PLEKHA5: variants seen among roughly 807,000 people sequenced by gnomAD.
PLEKHA5 encodes pleckstrin homology domain containing A5, also known as pleckstrin homology domain-containing family A member 5.
In PLEKHA5, 55 loss-of-function variants were observed where a neutral mutation model predicts 181.9. That is an observed-to-expected ratio of 0.30 (90% confidence interval 0.24 to 0.38). The LOEUF (loss-of-function observed/expected upper bound fraction) is 0.38, where lower values mean the gene tolerates loss of function less well. Ranked by LOEUF, PLEKHA5 falls within the 10% of genes least tolerant of loss-of-function variation. The pLI, the probability that PLEKHA5 is intolerant of heterozygous loss-of-function variation, is 1.00. For synonymous variants in PLEKHA5, 535 were observed against 529.4 expected (o/e 1.01, Z -0.15); for missense variants, 1,432 against 1,549.5 (o/e 0.92, Z 1.27).
intron 20 of PLEKHA5, among the ~76,000 whole-genome samples, chr12:19,327,320 A>G (rs1272081): frequency 7.1e-6 from 1 of 141,452 alleles, no homozygotes; most frequent in African/African-American, 2.6e-5. Context: ...TTGTGATTTT[A>G]ATTTGTATTT....
Position 19,334,827 on chromosome 12 carries a change from AAAATATATATAT to A in PLEKHA5, c.2449-1686_2449-1675del, listed in dbSNP as rs1236402113. On this transcript the variant is annotated intron_variant, in intron 20 of 31. Coordinates refer to ENST00000429027, the MANE Select transcript of PLEKHA5 (RefSeq NM_001256470.2). ...CAAAATCCTGTCTTCACAAAAAAAA[AAAATATATATAT>A]ATATATATATATATATATATATATA... Among the ~76,000 whole-genome samples the A allele has an allele frequency of 2.2e-3, 36 of 16,578 alleles. 3 individuals carry two copies. The highest frequency in any genetic ancestry group is 4.6e-3 in the African/African-American group (35 of 7,562). The allele number at this position is 16,578 out of a possible 152,430, so 10.9% of individuals were successfully genotyped here.
At chr12:19,272,111 C>T (rs1000026937) in intron 10 of PLEKHA5, among the ~76,000 whole-genome samples, 1 of 152,090 alleles carries the variant, frequency 6.6e-6, no homozygotes, top group Admixed American at 6.6e-5. Flanking sequence ...AAGTATTTCA[C>T]CTGTTCACGA....
intron 15 of PLEKHA5, among the ~76,000 whole-genome samples, chr12:19,302,673 AGATGTGAGCCACCACC>A (rs2081876686): frequency 1.3e-5 from 2 of 152,044 alleles, no homozygotes; most frequent in African/African-American, 4.8e-5. Flanking sequence ...CTGCCGTTAC[AGATGTGAGCCACCACC>A]CCCAGCCTAC....
chr12:19,289,475 A>C (rs2077928338), intron 13 of PLEKHA5, among the ~76,000 whole-genome samples: 1 of 151,170 alleles, frequency 6.6e-6, no homozygotes, highest in Admixed American at 6.6e-5. Flanking sequence ...TTTAGCCTGG[A>C]ATTTTTAAGA....
chr12:19,318,309 A>G (rs1046956362), intron 16 of PLEKHA5, among the ~76,000 whole-genome samples: 1 of 152,044 alleles, frequency 6.6e-6, no homozygotes, highest in African/African-American at 2.4e-5. Flanking sequence ...AATCTGATTG[A>G]TATGTATAAT....
chr12:19,238,899 CAG>C (rs1020880723), intron 3 of PLEKHA5, among the ~76,000 whole-genome samples: 6 of 147,778 alleles, frequency 4.1e-5, no homozygotes, highest in African/African-American at 1.5e-4. Context: ...AGCAGTAAAA[CAG>C]AGCACTTGTC....
intron 3 of PLEKHA5, among the ~76,000 whole-genome samples, chr12:19,218,633 C>G (rs2058405704): frequency 6.6e-6 from 1 of 152,034 alleles, no homozygotes; most frequent in Non-Finnish European, 1.5e-5. Flanking sequence ...AAAATATTTT[C>G]TCTGTAAAAA....
At chr12:19,132,773 C>CTTTT (rs59992820) in intron 3 of PLEKHA5, among the ~76,000 whole-genome samples, 7 of 112,114 alleles carry the variant, frequency 6.2e-5, no homozygotes, top group Admixed American at 2.1e-4. Context: ...CCACAATTAC[C>CTTTT]TTTTTTTTTT....
chr12:19,238,365 A>G (rs1450956803), intron 3 of PLEKHA5, among the ~76,000 whole-genome samples: 3 of 152,096 alleles, frequency 2.0e-5, no homozygotes, highest in Non-Finnish European at 4.4e-5. Flanking sequence ...ATTAACACTA[A>G]CTGCTTCATA....
chr12:19,146,813 G>C (rs920133080), intron 3 of PLEKHA5, among the ~76,000 whole-genome samples: 1 of 152,186 alleles, frequency 6.6e-6, no homozygotes, highest in Non-Finnish European at 1.5e-5. Context: ...TTGTGGTGAA[G>C]TGGAAAGTAG....
intron 3 of PLEKHA5, among the ~76,000 whole-genome samples, chr12:19,222,170 T>C (rs537321410): frequency 4.1e-4 from 63 of 152,224 alleles, no homozygotes; most frequent in Admixed American, 1.3e-4. Context: ...TACATACTTA[T>C]ATATATTTAT....
chr12:19,288,225 TTAAG>T (rs974708989), intron 13 of PLEKHA5: 34 of 179,284 alleles, frequency 1.9e-4, no homozygotes, highest in Admixed American at 1.7e-3. Context: ...TACCAGCGTA[TTAAG>T]TTTTTCGTGT....
chr12:19,142,457 C>T (rs2037658810), intron 3 of PLEKHA5, among the ~76,000 whole-genome samples: 1 of 151,976 alleles, frequency 6.6e-6, no homozygotes, highest in African/African-American at 2.4e-5. Flanking sequence ...AGAAATAACT[C>T]CTTGCCCAAT....
At position 19,236,717 on chromosome 12, in the gene PLEKHA5, A is replaced by G. The variant is rs532905784; in HGVS notation, c.228-17223A>G. 5.3e-5 allele frequency among the ~76,000 whole-genome samples: 8 copies of G among 152,282 alleles called. No individual in the cohort carries two copies. The South Asian group carries it at 1.2e-3, about 24-fold the overall frequency. ...ATATCTTAGTGTTTTATCCTATGCTATATGCCAATTTTAAGGGAATTGAAA... is the reference window on the plus strand; with the variant it reads ...ATATCTTAGTGTTTTATCCTATGCTGTATGCCAATTTTAAGGGAATTGAAA... On this transcript the variant is annotated intron_variant, in intron 3 of 31. Coordinates refer to ENST00000429027, the MANE Select transcript of PLEKHA5 (RefSeq NM_001256470.2).
At chr12:19,347,858 G>T (rs1459911080) in intron 24 of PLEKHA5, among the ~76,000 whole-genome samples, 7 of 144,138 alleles carry the variant, frequency 4.9e-5, no homozygotes, top group Non-Finnish European at 7.6e-5. Flanking sequence ...ATGTGACTTT[G>T]TTCCTAAGAG....
intron 30 of PLEKHA5, among the ~76,000 whole-genome samples, chr12:19,368,191 C>G (rs959952086): frequency 2.0e-5 from 3 of 152,132 alleles, no homozygotes; most frequent in Non-Finnish European, 2.9e-5. Flanking sequence ...TTGCCTCTGT[C>G]ACTTACAAGG....
At chr12:19,180,857 C>T (rs564041253) in intron 3 of PLEKHA5, among the ~76,000 whole-genome samples, 10 of 149,974 alleles carry the variant, frequency 6.7e-5, no homozygotes, top group East Asian at 2.0e-4. Context: ...TATGCACCTA[C>T]GGCTCCTAAA....
intron 3 of PLEKHA5, among the ~76,000 whole-genome samples, chr12:19,188,357 AT>A (rs562049981): frequency 2.4e-4 from 37 of 152,158 alleles, no homozygotes; most frequent in African/African-American, 7.7e-4. Context: ...ACCTTAATAC[AT>A]TTTTTTCATA....
intron 22 of PLEKHA5, among the ~76,000 whole-genome samples, chr12:19,343,946 G>C (rs1162084488): frequency 6.6e-6 from 1 of 151,888 alleles, no homozygotes; most frequent in Non-Finnish European, 1.5e-5. Context: ...CAAATACTCA[G>C]GAAGCTTAGA....
Sources: gnomAD v4.1 joint callset for allele counts (sites outside exome capture counted in the v4.1 genomes callset) on GRCh38, gnomAD v4.1.1 for gene constraint, MANE v1.5 for transcripts, NCBI Gene and HGNC (gene_info 2026-07-23, HGNC 2026-07-21) for gene names.